The following R3HCC1L variants were observed in gnomAD, a reference collection of about 807,000 sequenced individuals.
R3HCC1L encodes R3H domain and coiled-coil containing 1 like.
In R3HCC1L, 51 loss-of-function variants were observed where a neutral mutation model predicts 59.9. The ratio of observed to expected loss-of-function variants is 0.85; its 90% CI spans 0.68 to 1.07. R3HCC1L has a LOEUF of 1.07. Among genes scored for constraint, R3HCC1L ranks in the 50% least tolerant of loss-of-function variants. The pLI is 0.00. For synonymous variants in R3HCC1L, 322 were observed against 315.2 expected (o/e 1.02, Z -0.23); for missense variants, 965 against 933.0 (o/e 1.03, Z -0.45).
intron 1 of R3HCC1L, among the ~76,000 whole-genome samples, chr10:98,141,915 C>G (rs1208801767): frequency 1.3e-5 from 2 of 152,072 alleles, no homozygotes; most frequent in Non-Finnish European, 2.9e-5. Flanking sequence ...GTCAGAGTCA[C>G]TGTAAGAAAA....
intron 2 of R3HCC1L, among the ~76,000 whole-genome samples, chr10:98,157,067 T>G (rs1017507673): frequency 5.3e-5 from 8 of 152,240 alleles, no homozygotes; most frequent in Non-Finnish European, 1.2e-4. Flanking sequence ...CTTCAGAATT[T>G]TGAAGGCATA....
chr10:98,158,051 T>C (rs571479898), intron 2 of R3HCC1L, among the ~76,000 whole-genome samples: 173 of 152,302 alleles, frequency 1.1e-3, no homozygotes, highest in African/African-American at 3.9e-3. Context: ...CCCACAAAAA[T>C]GTTACGTCTG....
intron 7 of R3HCC1L, among the ~76,000 whole-genome samples, chr10:98,234,827 A>AT (rs545157300): frequency 2.4e-4 from 36 of 150,582 alleles, no homozygotes; most frequent in South Asian, 4.2e-4. Context: ...AATATTGGTG[A>AT]TTTTTTTTTT....
chr10:98,204,355 A>G (rs1041033996), intron 4 of R3HCC1L, among the ~76,000 whole-genome samples: 12 of 152,166 alleles, frequency 7.9e-5, no homozygotes, highest in South Asian at 2.1e-4. Context: ...TGGTGAGCCA[A>G]GATCGTGCCA....
intron 4 of R3HCC1L, among the ~76,000 whole-genome samples, chr10:98,190,185 A>G (rs1850675351): frequency 6.6e-6 from 1 of 152,190 alleles, no homozygotes; most frequent in South Asian, 2.1e-4. Flanking sequence ...TTCAGTACAG[A>G]CACAATTTTT....
intron 4 of R3HCC1L, among the ~76,000 whole-genome samples, chr10:98,197,668 G>A (rs916263247): frequency 6.6e-6 from 1 of 152,146 alleles, no homozygotes; most frequent in Non-Finnish European, 1.5e-5. Flanking sequence ...AGTAACAAAT[G>A]CAGTGCAATG....
intron 1 of R3HCC1L, among the ~76,000 whole-genome samples, chr10:98,146,488 TG>T (rs1845671288): frequency 1.3e-5 from 2 of 152,348 alleles, no homozygotes; most frequent in Admixed American, 1.3e-4. Flanking sequence ...TCTTGGCTTC[TG>T]GTACCCACCA....
intron 5 of R3HCC1L, among the ~76,000 whole-genome samples, chr10:98,227,105 A>G (rs1329095728): frequency 2.0e-5 from 3 of 152,234 alleles, no homozygotes; most frequent in Non-Finnish European, 4.4e-5. Flanking sequence ...GGCATGTAAC[A>G]GACTTAGCAC....
At chr10:98,219,819 G>C (rs907405672) in intron 5 of R3HCC1L, among the ~76,000 whole-genome samples, 1 of 152,036 alleles carries the variant, frequency 6.6e-6, no homozygotes, top group Non-Finnish European at 1.5e-5. Flanking sequence ...TAGAATTCTT[G>C]GTCTTTGACT....
chr10:98,138,870 A>G (rs1285987460), intron 1 of R3HCC1L, among the ~76,000 whole-genome samples: 6 of 152,208 alleles, frequency 3.9e-5, no homozygotes, highest in Admixed American at 3.3e-4. Context: ...CTAACCCTGC[A>G]TGGTTGAGAA....
rs139127427 is a variant in R3HCC1L at position 98,226,101 on chromosome 10, A to G, written c.1786-5411A>G. Among the ~76,000 whole-genome samples, 900 of 152,270 alleles carry G rather than the reference A, an allele frequency of 5.9e-3. 5 individuals carry two copies. The highest frequency in any genetic ancestry group is 0.021 in the African/African-American group (863 of 41,540). On this transcript the variant is annotated intron_variant, in intron 5 of 9. Coordinates refer to ENST00000298999, the MANE Select transcript of R3HCC1L (RefSeq NM_001351015.2). ...GCAGTTTGCCTGCCTGGGCCTCCCA[A>G]AGTGCTGGGATTACAGGTCTGTGCC...
intron 8 of R3HCC1L, 102 bp downstream of exon 8, chr10:98,235,622 TTTTTA>T (rs1392181534): frequency 2.3e-6 from 2 of 857,882 alleles, no homozygotes; most frequent in Non-Finnish European, 3.5e-6. Flanking sequence ...ATCACTTTTA[TTTTTA>T]GTGTTAAAAG....
At chr10:98,154,098 G>T (rs895496836) in intron 1 of R3HCC1L, among the ~76,000 whole-genome samples, 1 of 147,676 alleles carries the variant, frequency 6.8e-6, no homozygotes, top group Admixed American at 6.9e-5. Context: ...TCACATTTTG[G>T]AATGTTTGCA....
intron 5 of R3HCC1L, chr10:98,211,488 A>C: frequency 8.6e-7 from 1 of 1,165,134 alleles, no homozygotes. Flanking sequence ...AAGCTAGGTG[A>C]ATATAGAGAT....
chr10:98,229,853 T>A (rs972696982), intron 5 of R3HCC1L, among the ~76,000 whole-genome samples: 4 of 152,142 alleles, frequency 2.6e-5, no homozygotes, highest in Non-Finnish European at 4.4e-5. Flanking sequence ...TAGTTTTTGT[T>A]GTTGGTTCTG....
At position 98,209,176 on chromosome 10, in the gene R3HCC1L, C is replaced by T. The variant is rs753109253; in HGVS notation, c.1062C>T (p.Val354=). ...AGCACGAACCTCCTGATACAGCTGTCCTTGCTCATGAAACACATAGAGATA... is the reference window on the plus strand; with the variant it reads ...AGCACGAACCTCCTGATACAGCTGTTCTTGCTCATGAAACACATAGAGATA... ...HVKHEPPDTA[V]LAHETHRDSG... Residue 354 remains valine (V), a synonymous_variant, in exon 5 of 10, where the codon GTC becomes GTT. Coordinates refer to ENST00000298999, the MANE Select transcript of R3HCC1L (RefSeq NM_001351015.2). 2 of 1,613,760 alleles carry T rather than the reference C, an allele frequency of 1.2e-6. No individual in the cohort carries two copies. Among genetic ancestry groups the T allele is most frequent in the East Asian group, 4.5e-5 (2 of 44,866 alleles).
intron 9 of R3HCC1L, among the ~76,000 whole-genome samples, chr10:98,241,450 T>G (rs1857524954): frequency 6.6e-6 from 1 of 152,228 alleles, no homozygotes; most frequent in Non-Finnish European, 1.5e-5. Context: ...GTTGATTGAT[T>G]TATTATATTG....
chr10:98,159,508 C>G lies in R3HCC1L; in HGVS notation c.-213+3361C>G, dbSNP rs968131911. On this transcript the variant is annotated intron_variant, in intron 2 of 9. Coordinates refer to ENST00000298999, the MANE Select transcript of R3HCC1L (RefSeq NM_001351015.2). ...TCCTGTCACTGTTTGAACTTTCACT[C>G]ACTAATTTTAGTATCCATTTGTTGT... 2.6e-5 allele frequency among the ~76,000 whole-genome samples: 4 copies of G among 152,174 alleles called. 1 individual carries two copies. In the South Asian group the frequency reaches 8.3e-4, roughly 32 times the overall value.
chr10:98,152,892 G>A (rs1385117944), intron 1 of R3HCC1L, among the ~76,000 whole-genome samples: 13 of 151,830 alleles, frequency 8.6e-5, no homozygotes, highest in African/African-American at 3.1e-4. Flanking sequence ...CCGTCCGGGA[G>A]GGAGGAGGGG....
Sources: gnomAD v4.1 joint callset for allele counts (sites outside exome capture counted in the v4.1 genomes callset) on GRCh38, gnomAD v4.1.1 for gene constraint, MANE v1.5 for transcripts, NCBI Gene and HGNC (gene_info 2026-07-23, HGNC 2026-07-21) for gene names.